Variants in DPYD observed in about 807,000 individuals in gnomAD.
DPYD encodes the protein dihydropyrimidine dehydrogenase [NADP(+)].
A neutral mutation model predicts 116.2 loss-of-function variants in DPYD; 109 were observed. The ratio of observed to expected loss-of-function variants is 0.94; its 90% CI spans 0.80 to 1.10. The LOEUF is 1.10. Ranked by LOEUF, DPYD falls within the 50% of genes least tolerant of loss-of-function variation. The pLI, the probability that DPYD is intolerant of heterozygous loss-of-function variation, is 0.00. For synonymous variants in DPYD, 440 were observed against 432.0 expected (o/e 1.02, Z -0.23); for missense variants, 1,302 against 1,254.5 (o/e 1.04, Z -0.57).
At chr1:97,251,766 C>A (rs980095786) in intron 18 of DPYD, among the ~76,000 whole-genome samples, 1 of 152,108 alleles carries the variant, frequency 6.6e-6, no homozygotes, top group Non-Finnish European at 1.5e-5. Flanking sequence ...CTAGACTATA[C>A]CTCTAAATCG....
intron 10 of DPYD, among the ~76,000 whole-genome samples, chr1:97,578,486 A>G (rs1307395050): frequency 6.6e-6 from 1 of 152,180 alleles, no homozygotes; most frequent in Non-Finnish European, 1.5e-5. Flanking sequence ...TCTGTGGACA[A>G]GCATTATTTT....
At chr1:97,748,541 G>A (rs905507671) in intron 3 of DPYD, among the ~76,000 whole-genome samples, 3 of 151,928 alleles carry the variant, frequency 2.0e-5, no homozygotes, top group African/African-American at 4.8e-5. Flanking sequence ...CCTGGGAGGC[G>A]GAGGTTGCAA....
chr1:97,835,887 T>C (rs1669748379), intron 2 of DPYD, among the ~76,000 whole-genome samples: 1 of 152,054 alleles, frequency 6.6e-6, no homozygotes, highest in African/African-American at 2.4e-5. Flanking sequence ...AATTTAAAAA[T>C]GAAAATCTAC....
At chr1:97,794,432 G>A (rs1325776524) in intron 3 of DPYD, among the ~76,000 whole-genome samples, 1 of 151,982 alleles carries the variant, frequency 6.6e-6, no homozygotes, top group African/African-American at 2.4e-5. Context: ...CATACAGATG[G>A]CATAAAACAC....
chr1:97,469,495 C>T (rs946362846), intron 13 of DPYD, among the ~76,000 whole-genome samples: 2 of 139,670 alleles, frequency 1.4e-5, no homozygotes, highest in African/African-American at 2.7e-5. Flanking sequence ...TTTTAAAAAA[C>T]AGTTCTAATA....
In DPYD at chr1:97,691,806, G is replaced by T. The variant is rs74774246; in HGVS notation, c.681-8C>A. 1.7e-5 allele frequency: 27 copies of T among 1,612,326 alleles called. No homozygotes were observed. Among genetic ancestry groups the T allele is most frequent in the Non-Finnish European group, 2.1e-5 (25 of 1,178,696 alleles). ...TGAGGAATTTCAGAAGTACTGAAAA[G>T]AAAGGAGAAAGAAAAACAGGCATCA... On this transcript the variant is annotated splice_polypyrimidine_tract_variant and splice_region_variant and intron_variant, in intron 6 of 22. Transcript: ENST00000370192.
intron 20 of DPYD, among the ~76,000 whole-genome samples, chr1:97,132,140 TA>T (rs1653389352): frequency 6.6e-6 from 1 of 152,190 alleles, no homozygotes; most frequent in Admixed American, 6.5e-5. Flanking sequence ...ATACACAATG[TA>T]ATTCCTTTAT....
intron 18 of DPYD, among the ~76,000 whole-genome samples, chr1:97,237,241 C>CAAAAAAAAAAAAAAA (rs58926889): frequency 1.7e-5 from 1 of 57,698 alleles, no homozygotes; most frequent in African/African-American, 6.8e-5. Flanking sequence ...GATTCTGTCT[C>CAAAAAAAAAAAAAAA]AAAAAAAAAA....
intron 3 of DPYD, chr1:97,797,520 C>T (rs987799489): frequency 6.6e-6 from 1 of 151,994 alleles, no homozygotes; most frequent in East Asian, 1.9e-4. Context: ...AACTACATGA[C>T]ATCATAAGAA....
chr1:97,861,556 T>C (rs1033290133), intron 2 of DPYD, among the ~76,000 whole-genome samples: 1 of 151,944 alleles, frequency 6.6e-6, no homozygotes, highest in Non-Finnish European at 1.5e-5. Context: ...TATAAAGTGC[T>C]CTTCAATATC....
intron 10 of DPYD, among the ~76,000 whole-genome samples, chr1:97,574,877 C>A (rs1653162541): frequency 6.6e-6 from 1 of 152,066 alleles, no homozygotes; most frequent in Non-Finnish European, 1.5e-5. Context: ...TCAATAGGCT[C>A]CCTGGGTAAT....
intron 8 of DPYD, among the ~76,000 whole-genome samples, chr1:97,648,446 C>G (rs1309573107): frequency 6.6e-6 from 1 of 151,780 alleles, no homozygotes; most frequent in African/African-American, 2.4e-5. Context: ...AAGCTAAATA[C>G]TTGGGGAATA....
chr1:97,178,315 T>C (rs1342351926), intron 20 of DPYD, among the ~76,000 whole-genome samples: 2 of 152,258 alleles, frequency 1.3e-5, no homozygotes, highest in East Asian at 1.9e-4. Flanking sequence ...ATTCTCAGAC[T>C]GCTATAAAGA....
intron 18 of DPYD, among the ~76,000 whole-genome samples, chr1:97,261,876 T>C (rs1382785637): frequency 6.6e-6 from 1 of 152,072 alleles, no homozygotes; most frequent in Non-Finnish European, 1.5e-5. Context: ...ATGTGACTTC[T>C]ACCTGATAAT....
At chr1:97,605,482 G>A (rs1031508848) in intron 8 of DPYD, among the ~76,000 whole-genome samples, 2 of 152,000 alleles carry the variant, frequency 1.3e-5, no homozygotes, top group South Asian at 4.1e-4. Flanking sequence ...TGTGAGTAAG[G>A]TGCTTGCTTC....
chr1:97,476,822 T>C (rs925147329), intron 13 of DPYD, among the ~76,000 whole-genome samples: 3 of 152,224 alleles, frequency 2.0e-5, no homozygotes, highest in Admixed American at 6.5e-5. Context: ...CAAGTGAATA[T>C]TGCAATAAAG....
intron 20 of DPYD, among the ~76,000 whole-genome samples, chr1:97,116,662 A>G (rs765300007): frequency 2.0e-5 from 3 of 152,068 alleles, no homozygotes; most frequent in Non-Finnish European, 4.4e-5. Flanking sequence ...GCAGAGGAAG[A>G]CCCTGTCTCA....
chr1:97,307,101 C>G (rs1420276071), intron 16 of DPYD, among the ~76,000 whole-genome samples: 7 of 151,834 alleles, frequency 4.6e-5, no homozygotes, highest in Admixed American at 4.6e-4. Flanking sequence ...CATTGAATAA[C>G]TTAGCTACAG....
intron 14 of DPYD, among the ~76,000 whole-genome samples, chr1:97,386,669 CTT>C (rs1389087763): frequency 6.6e-6 from 1 of 151,874 alleles, no homozygotes; most frequent in Non-Finnish European, 1.5e-5. Flanking sequence ...GGAAAAATGA[CTT>C]TATATTTATT....
Sources: allele counts gnomAD v4.1 joint callset (sites outside exome capture counted in the v4.1 genomes callset), GRCh38; gene constraint gnomAD v4.1.1; transcripts MANE v1.5; gene names NCBI Gene and HGNC (gene_info 2026-07-23, HGNC 2026-07-21).